Variants in ESR1 observed in about 807,000 individuals in gnomAD.
The protein encoded by ESR1 is estrogen receptor.
ESR1 carries 12 observed loss-of-function variants against 52.7 expected under a neutral mutation model. That is an observed-to-expected ratio of 0.23 (90% CI 0.15 to 0.37). ESR1 has a LOEUF of 0.37. Among genes scored for constraint, ESR1 ranks in the 10% least tolerant of loss-of-function variants. The pLI, the probability that ESR1 is intolerant of heterozygous loss-of-function variation, is 1.00. For synonymous variants in ESR1, 305 were observed against 316.8 expected (o/e 0.96, Z 0.39); for missense variants, 584 against 779.7 (o/e 0.75, Z 2.99).
chr6:152,026,987 G>C (rs3020421), intron 5 of ESR1, among the ~76,000 whole-genome samples: 2 of 150,256 alleles, frequency 1.3e-5, no homozygotes, highest in African/African-American at 4.9e-5. Flanking sequence ...TTTTTTTGAG[G>C]TGGAGTTTCG....
intron 5 of ESR1, among the ~76,000 whole-genome samples, chr6:152,014,946 A>G (rs2128794285): frequency 6.6e-6 from 1 of 152,230 alleles, no homozygotes; most frequent in East Asian, 1.9e-4. Flanking sequence ...TCATGCCTGT[A>G]ATCCCAGCTA....
At chr6:151,936,743 GA>G (rs142630806) in intron 3 of ESR1, among the ~76,000 whole-genome samples, 17 of 152,244 alleles carry the variant, frequency 1.1e-4, no homozygotes, top group African/African-American at 4.1e-4. Flanking sequence ...GTAAGAAAGG[GA>G]AAAAAATTGG....
At position 151,910,809 on chromosome 6, in the gene ESR1, A is replaced by G. The variant is rs552477365; in HGVS notation, c.760+30038A>G. Among the ~76,000 whole-genome samples the G allele has an allele frequency of 4.6e-5, 7 of 152,318 alleles. No homozygotes were observed. The South Asian group carries it at 6.2e-4, about 14-fold the overall frequency. The stretch of plus-strand genomic sequence containing the variant: ...TTCAGTTTGTATGCCTTCGATGTAC[A>G]TAATATATTAATACACAAATATATT... On this transcript the variant is annotated intron_variant, in intron 3 of 7. Coordinates refer to ENST00000206249, the MANE Select transcript of ESR1 (RefSeq NM_000125.4).
intron 5 of ESR1, among the ~76,000 whole-genome samples, chr6:152,045,027 G>T (rs2046114386): frequency 6.6e-6 from 1 of 152,194 alleles, no homozygotes; most frequent in African/African-American, 2.4e-5. Context: ...TTACATGTAA[G>T]GCTTATATCA....
chr6:151,801,387 A>G (rs1413328677), upstream of ESR1, among the ~76,000 whole-genome samples: 3 of 152,232 alleles, frequency 2.0e-5, no homozygotes, highest in Admixed American at 1.3e-4. Flanking sequence ...AAAATGTAAG[A>G]TAAAAGTTAC....
intron 3 of ESR1, among the ~76,000 whole-genome samples, chr6:151,884,586 A>T (rs1432132608): frequency 6.6e-6 from 1 of 152,238 alleles, no homozygotes; most frequent in Non-Finnish European, 1.5e-5. Flanking sequence ...TATTGTAAAG[A>T]TCCAAAAGAG....
At chr6:151,687,439 G>C (rs1301705568), upstream of ESR1, among the ~76,000 whole-genome samples, 1 of 152,176 alleles carries the variant, frequency 6.6e-6, no homozygotes, top group Non-Finnish European at 1.5e-5. Flanking sequence ...ATAGTGTTTT[G>C]AGCAGTGCCC....
chr6:151,978,383 G>C lies in ESR1; in HGVS notation c.1097-33273G>C, dbSNP rs182781397. Among the ~76,000 whole-genome samples the C allele has an allele frequency of 2.1e-3, 319 of 152,214 alleles. 2 individuals are homozygous for C. Among genetic ancestry groups the C allele is most frequent in the South Asian group, 9.3e-3 (45 of 4,822 alleles). On this transcript the variant is annotated intron_variant, in intron 4 of 7. Transcript: ENST00000206249. ...AACATTAGGAGACATGGAGAACAGT[G>C]TACGAAGGTGTAATAAATTCTAACT...
intron 6 of ESR1, among the ~76,000 whole-genome samples, chr6:152,068,223 G>A (rs1313321063): frequency 3.3e-5 from 5 of 152,196 alleles, no homozygotes; most frequent in African/African-American, 4.8e-5. Context: ...GTTCTGCAAC[G>A]TCCATCATTT....
intron 2 of ESR1, among the ~76,000 whole-genome samples, chr6:151,730,917 A>G (rs1782191279): frequency 6.6e-6 from 1 of 152,218 alleles, no homozygotes; most frequent in Admixed American, 6.5e-5. Flanking sequence ...AGCTGCTGTT[A>G]GAAGAATCTT....
chr6:152,051,505 C>G (rs908363289), intron 5 of ESR1, among the ~76,000 whole-genome samples: 1 of 152,214 alleles, frequency 6.6e-6, no homozygotes, highest in Admixed American at 6.5e-5. Context: ...GACACCCCTC[C>G]TCCTTGGTGC....
intron 1 of ESR1, among the ~76,000 whole-genome samples, chr6:151,659,674 C>T (rs764514547): frequency 6.6e-6 from 1 of 152,186 alleles, no homozygotes; most frequent in Non-Finnish European, 1.5e-5. Context: ...CAGGCAATGT[C>T]TTCTCTAATA....
At chr6:152,074,183 T>A (rs1296968694) in intron 6 of ESR1, among the ~76,000 whole-genome samples, 4 of 152,184 alleles carry the variant, frequency 2.6e-5, no homozygotes, top group African/African-American at 9.7e-5. Flanking sequence ...GACACATGTA[T>A]GCACTATTGT....
chr6:151,765,502 T>C (rs994086154), intron 2 of ESR1, among the ~76,000 whole-genome samples: 6 of 152,236 alleles, frequency 3.9e-5, no homozygotes, highest in Admixed American at 6.5e-5. Context: ...AATTTTAAAG[T>C]GGACACATTG....
At chr6:151,775,027 C>G (rs906479925) in intron 2 of ESR1, among the ~76,000 whole-genome samples, 15 of 152,114 alleles carry the variant, frequency 9.9e-5, no homozygotes, top group Non-Finnish European at 1.8e-4. Flanking sequence ...TCCAATATAG[C>G]CCTTTGACTT....
At chr6:151,685,652 G>T (rs965258465), upstream of ESR1, among the ~76,000 whole-genome samples, 1 of 152,114 alleles carries the variant, frequency 6.6e-6, no homozygotes, top group African/African-American at 2.4e-5. Flanking sequence ...GAGTAAGAAG[G>T]GTCAGAAAGC....
At chr6:151,986,701 T>C (rs1451960712) in intron 4 of ESR1, among the ~76,000 whole-genome samples, 1 of 152,150 alleles carries the variant, frequency 6.6e-6, no homozygotes. Flanking sequence ...GTGTCTTCAT[T>C]AGTGGAAACC....
At chr6:151,850,052 A>C (rs1786175910) in intron 2 of ESR1, among the ~76,000 whole-genome samples, 1 of 128,632 alleles carries the variant, frequency 7.8e-6, no homozygotes, top group Non-Finnish European at 1.6e-5. Flanking sequence ...AATTTTATAT[A>C]TATATAATTT....
chr6:151,826,261 T>C (rs1435694204), intron 1 of ESR1, among the ~76,000 whole-genome samples: 1 of 152,224 alleles, frequency 6.6e-6, no homozygotes, highest in African/African-American at 2.4e-5. Context: ...ATATAGTTGA[T>C]TTTCTTCTTT....
Sources: gnomAD v4.1 joint callset for allele counts (sites outside exome capture counted in the v4.1 genomes callset) on GRCh38, gnomAD v4.1.1 for gene constraint, MANE v1.5 for transcripts, NCBI Gene and HGNC (gene_info 2026-07-23, HGNC 2026-07-21) for gene names.